The following MTREX variants were observed in gnomAD, a reference collection of about 807,000 sequenced individuals.
MTREX encodes the protein exosome RNA helicase MTR4.
MTREX carries 76 observed loss-of-function variants against 135.4 expected under a neutral mutation model. The ratio of observed to expected loss-of-function variants is 0.56; its 90% CI spans 0.47 to 0.68. MTREX has a LOEUF of 0.68. MTREX is among the 30% of genes least tolerant of loss of function. MTREX has a pLI of 0.00. For missense variants in MTREX, 920 were observed against 1,262.1 expected, an observed-to-expected ratio of 0.73 and a Z score of 4.11; for synonymous variants, 404 against 401.6, an observed-to-expected ratio of 1.01 and a Z score of -0.07.
intron 22 of MTREX, among the ~76,000 whole-genome samples, chr5:55,409,491 A>T (rs1050235524): frequency 6.6e-6 from 1 of 152,216 alleles, no homozygotes; most frequent in East Asian, 1.9e-4. Flanking sequence ...GAAATTTTTT[A>T]AAACCTGTTG....
chr5:55,405,005 G>A (rs1020498517), intron 21 of MTREX, among the ~76,000 whole-genome samples: 2 of 151,766 alleles, frequency 1.3e-5, no homozygotes, highest in African/African-American at 4.8e-5. Context: ...AGTACAGACG[G>A]AGTTTCACCA....
intron 18 of MTREX, among the ~76,000 whole-genome samples, chr5:55,385,157 G>A (rs1363503377): frequency 1.3e-5 from 2 of 152,108 alleles, no homozygotes; most frequent in African/African-American, 2.4e-5. Flanking sequence ...GCTGGGGGTG[G>A]GGAGAATGCA....
chr5:55,385,618 GA>G lies in MTREX; in HGVS notation c.2053-2355del, dbSNP rs370054545. Among the ~76,000 whole-genome samples, 202 of 152,188 alleles carry G rather than the reference GA, an allele frequency of 1.3e-3. 2 individuals carry two copies. The Middle Eastern group carries it at 0.024, about 18-fold the overall frequency. On this transcript the variant is annotated intron_variant, in intron 18 of 26. Coordinates refer to ENST00000230640, the MANE Select transcript of MTREX (RefSeq NM_015360.5). ...ATATCAAAGACTTTACTGAATTTTA[GA>G]TTTTTTTTTGGACTAGATCTTTCTT... is the stretch of plus-strand genomic sequence containing the variant.
intron 16 of MTREX, 111 bp downstream of exon 16, chr5:55,366,986 A>C: frequency 1.2e-6 from 1 of 806,194 alleles, no homozygotes; most frequent in Non-Finnish European, 2.0e-6. Context: ...ATTTTGGTTC[A>C]TACGTAATGG....
intron 22 of MTREX, among the ~76,000 whole-genome samples, chr5:55,407,956 C>A (rs1750831624): frequency 6.6e-6 from 1 of 152,060 alleles, no homozygotes; most frequent in Admixed American, 6.6e-5. Context: ...TAGGGTCTTG[C>A]TATGTTGCCC....
Position 55,328,588 on chromosome 5 carries a change from A to C in MTREX, c.403-111A>C, listed in dbSNP as rs145648486. 124 of 659,714 alleles carry C rather than the reference A, an allele frequency of 1.9e-4. No homozygotes were observed. The African/African-American group carries it at 2.0e-3, about 11-fold the overall frequency. 40.9% of individuals were successfully genotyped at this position (659,714 alleles called of 1,614,324 possible). A position where few individuals can be genotyped will look rare whatever the true frequency, so the allele number is the denominator to read the frequency against. ...AGTATATTTTCTAAATAAAATCATA[A>C]AGGAATACTCCCAGAATGCTTTGGG... On this transcript the variant is annotated intron_variant, in intron 4 of 26. Coordinates refer to ENST00000230640, the MANE Select transcript of MTREX (RefSeq NM_015360.5).
intron 24 of MTREX, among the ~76,000 whole-genome samples, chr5:55,414,501 T>C (rs1018122786): frequency 6.6e-6 from 1 of 152,200 alleles, no homozygotes; most frequent in African/African-American, 2.4e-5. Context: ...ATTAAAAGCT[T>C]CATAATGTAA....
chr5:55,402,753 C>T (rs1418646746), intron 21 of MTREX, among the ~76,000 whole-genome samples: 3 of 151,306 alleles, frequency 2.0e-5, no homozygotes, highest in South Asian at 2.1e-4. Context: ...TTCCTGCCCC[C>T]TCCCCATCAT....
At chr5:55,315,549 A>G (rs2112022064) in intron 1 of MTREX, among the ~76,000 whole-genome samples, 1 of 152,210 alleles carries the variant, frequency 6.6e-6, no homozygotes, top group East Asian at 1.9e-4. Flanking sequence ...AGACAACAAC[A>G]ACAACAAAAA....
At chr5:55,337,220 A>G (rs1365157242) in intron 5 of MTREX, among the ~76,000 whole-genome samples, 2 of 152,136 alleles carry the variant, frequency 1.3e-5, no homozygotes, top group Non-Finnish European at 2.9e-5. Context: ...TCCCAGGCTC[A>G]ACTGATGCTC....
intron 13 of MTREX, 115 bp downstream of exon 13, chr5:55,351,144 G>T: frequency 1.6e-6 from 2 of 1,231,502 alleles, no homozygotes; most frequent in Non-Finnish European, 2.1e-6. Context: ...TTAATGAAAT[G>T]ACTTAAATAA....
chr5:55,315,336 A>T (rs946283488), intron 1 of MTREX, among the ~76,000 whole-genome samples: 1 of 152,202 alleles, frequency 6.6e-6, no homozygotes, highest in Non-Finnish European at 1.5e-5. Flanking sequence ...GAAAAATTTT[A>T]ATAAAGTCAC....
chr5:55,328,607 C>A (rs1421960966), intron 4 of MTREX, 92 bp from the exon 5 acceptor site: 2 of 787,204 alleles, frequency 2.5e-6, no homozygotes, highest in African/African-American at 1.7e-5. Flanking sequence ...TCCCAGAATG[C>A]TTTGGGGGGT....
intron 14 of MTREX, chr5:55,356,463 G>T: frequency 4.8e-6 from 1 of 207,624 alleles, no homozygotes; most frequent in East Asian, 1.1e-4. Context: ...GAGGTTTTGG[G>T]AGATGAACTG....
intron 18 of MTREX, among the ~76,000 whole-genome samples, chr5:55,380,113 T>C (rs1359262839): frequency 6.6e-6 from 1 of 152,068 alleles, no homozygotes; most frequent in East Asian, 1.9e-4. Context: ...TTTTTTTTTT[T>C]TGTATTTTTA....
Position 55,347,074 on chromosome 5 carries a change from T to G in MTREX, c.1170T>G (p.Ile390Met). Residue 390 changes from isoleucine to methionine, a missense_variant, in exon 11 of 27, where the codon ATT becomes ATG. By Grantham distance (10) the Ile-to-Met change is conservative (BLOSUM62 1). Transcript: ENST00000230640. ...MIMERNFQPV[I>M]IFSFSKKDCE... is the part of the protein sequence containing the mutation. ...TGGAAAGAAATTTCCAACCTGTGAT[T>G]ATTTTCAGTTTTAGTAAGAAAGATT... is the stretch of plus-strand genomic sequence containing the variant. The G allele has an allele frequency of 1.1e-5, 18 of 1,610,200 alleles. No individual in the cohort carries two copies. The highest frequency in any genetic ancestry group is 1.5e-5 in the Non-Finnish European group (18 of 1,178,530).
At chr5:55,308,232 A>G in intron 1 of MTREX, 85 bp downstream of exon 1, 6 of 1,458,222 alleles carry the variant, frequency 4.1e-6, no homozygotes, top group Non-Finnish European at 5.5e-6. Flanking sequence ...AGAGCACGAG[A>G]AAGTGAAGTG....
At chr5:55,335,187 C>G (rs896397132) in intron 5 of MTREX, among the ~76,000 whole-genome samples, 1 of 151,876 alleles carries the variant, frequency 6.6e-6, no homozygotes, top group African/African-American at 2.4e-5. Context: ...GTCTTAATTG[C>G]GTTGTAAGAA....
At chr5:55,325,329 GT>G (rs767578247) in intron 3 of MTREX, among the ~76,000 whole-genome samples, 28 of 129,084 alleles carry the variant, frequency 2.2e-4, no homozygotes, top group African/African-American at 6.4e-4. Flanking sequence ...TTTTGGGGGG[GT>G]TTTTTTTTGT....
Sources: allele counts gnomAD v4.1 joint callset (sites outside exome capture counted in the v4.1 genomes callset), GRCh38; gene constraint gnomAD v4.1.1; transcripts MANE v1.5; gene names NCBI Gene and HGNC (gene_info 2026-07-23, HGNC 2026-07-21).